CDK13: variants seen among roughly 807,000 people sequenced by gnomAD.
The protein encoded by CDK13 is cyclin dependent kinase 13.
In CDK13, 40 loss-of-function variants were observed where a neutral mutation model predicts 137.6. That is an observed-to-expected ratio of 0.29 (90% confidence interval 0.23 to 0.38). CDK13 has a LOEUF of 0.38. Ranked by LOEUF, CDK13 falls within the 10% of genes least tolerant of loss-of-function variation. CDK13 has a pLI of 1.00. For missense variants in CDK13, 1,704 were observed against 1,951.8 expected (o/e 0.87, Z 2.39); for synonymous variants, 869 against 760.1 (o/e 1.14, Z -2.36).
At chr7:40,014,988 A>T (rs1784974532) in intron 5 of CDK13, among the ~76,000 whole-genome samples, 1 of 152,152 alleles carries the variant, frequency 6.6e-6, no homozygotes, top group African/African-American at 2.4e-5. Flanking sequence ...TGAGAAGAAA[A>T]ATATGTATAA....
intron 5 of CDK13, among the ~76,000 whole-genome samples, chr7:40,009,396 T>C (rs892984573): frequency 1.3e-5 from 2 of 152,236 alleles, no homozygotes; most frequent in Non-Finnish European, 2.9e-5. Context: ...ACTATTCATA[T>C]GCCTTTAGTT....
chr7:40,019,195 T>G (rs935417451), intron 5 of CDK13, among the ~76,000 whole-genome samples: 1 of 152,206 alleles, frequency 6.6e-6, no homozygotes, highest in African/African-American at 2.4e-5. Flanking sequence ...TTTACTGTCT[T>G]AATAGTAGCC....
intron 12 of CDK13, among the ~76,000 whole-genome samples, chr7:40,088,736 G>A (rs148378185): frequency 3.9e-5 from 6 of 152,136 alleles, no homozygotes; most frequent in East Asian, 1.9e-4. Flanking sequence ...CATTTATAGC[G>A]TCCTCATGTC....
chr7:39,978,171 T>G (rs1450222628), intron 1 of CDK13, among the ~76,000 whole-genome samples: 1 of 151,988 alleles, frequency 6.6e-6, no homozygotes, highest in African/African-American at 2.4e-5. Flanking sequence ...TAAATTAAAC[T>G]TGTGGGAGAA....
In CDK13 at chr7:39,951,758, C is replaced by T. The variant is rs1165078353; in HGVS notation, c.1117C>T (p.His373Tyr). Reference protein sequence around the residue: ...SRRRSPSYSRHSSYERGGDVS... With the variant: ...SRRRSPSYSRYSSYERGGDVS... ...CCGCCGCTCCCCCAGCTACAGCCGCCACAGCTCCTACGAGCGGGGCGGCGA... is the reference window on the plus strand; with the variant it reads ...CCGCCGCTCCCCCAGCTACAGCCGCTACAGCTCCTACGAGCGGGGCGGCGA... Residue 373 changes from histidine (H) to tyrosine (Y), a missense_variant, in exon 1 of 14, where the codon CAC becomes TAC. This residue lies in a region of CDK13 where 1,051 missense variants were observed against 931.0 expected (regional missense o/e 1.13). Coordinates refer to ENST00000181839, the MANE Select transcript of CDK13 (RefSeq NM_003718.5). 1 of 1,492,878 alleles carries T rather than the reference C, an allele frequency of 6.7e-7. No homozygotes were observed. The highest frequency in any genetic ancestry group is 8.8e-7 in the Non-Finnish European group (1 of 1,134,082). 92.5% of individuals were successfully genotyped at this position (1,492,878 alleles called of 1,614,324 possible).
At chr7:40,065,998 A>C (rs1786271571) in intron 9 of CDK13, among the ~76,000 whole-genome samples, 1 of 152,172 alleles carries the variant, frequency 6.6e-6, no homozygotes, top group Non-Finnish European at 1.5e-5. Context: ...CAGCCTGAGC[A>C]ATATAGTGAG....
intron 9 of CDK13, among the ~76,000 whole-genome samples, chr7:40,076,517 A>G (rs977561352): frequency 6.6e-6 from 1 of 152,072 alleles, no homozygotes; most frequent in Non-Finnish European, 1.5e-5. Context: ...TAGAGAGCCC[A>G]TGCTACAGGA....
intron 5 of CDK13, among the ~76,000 whole-genome samples, chr7:40,025,335 A>G (rs1458582124): frequency 6.6e-6 from 1 of 152,240 alleles, no homozygotes; most frequent in Non-Finnish European, 1.5e-5. Context: ...CTTGTAATCA[A>G]TAAACTTCTG....
At chr7:39,977,318 G>A (rs558575568) in intron 1 of CDK13, among the ~76,000 whole-genome samples, 1 of 152,172 alleles carries the variant, frequency 6.6e-6, no homozygotes, top group Non-Finnish European at 1.5e-5. Flanking sequence ...CTTTTCAATA[G>A]GAATACTATC....
chr7:39,950,525 C>A lies in CDK13; in HGVS notation c.-117C>A, dbSNP rs924722563. ...GGATTATCGTGGCGCTTTTCCCGGC[C>A]GGCTCTGGTGCTCGGTGTCCCTCCG... On this transcript the variant is annotated 5_prime_UTR_variant, in exon 1 of 14. Transcript: ENST00000181839. 1.6e-6 allele frequency: 2 copies of A among 1,266,592 alleles called. No homozygotes were observed. The highest frequency in any genetic ancestry group is 1.5e-5 in the African/African-American group (1 of 64,522). The allele number at this position is 1,266,592 out of a possible 1,614,324, so 78.5% of individuals were successfully genotyped here. A position where few individuals can be genotyped will look rare whatever the true frequency, so the allele number is the denominator to read the frequency against.
chr7:40,015,874 C>T (rs961798876), intron 5 of CDK13, among the ~76,000 whole-genome samples: 1 of 151,992 alleles, frequency 6.6e-6, no homozygotes, highest in Non-Finnish European at 1.5e-5. Flanking sequence ...TCATTGGTTG[C>T]GATCAAACCC....
At chr7:40,000,837 A>G (rs550558828) in intron 4 of CDK13, among the ~76,000 whole-genome samples, 15 of 152,162 alleles carry the variant, frequency 9.9e-5, no homozygotes, top group Non-Finnish European at 1.8e-4. Flanking sequence ...TTCTCCAAGG[A>G]AGTGGAATGA....
intron 12 of CDK13, chr7:40,092,565 C>T: frequency 4.0e-6 from 2 of 503,796 alleles, no homozygotes; most frequent in African/African-American, 1.9e-5. Context: ...AGTATTTACC[C>T]CTAAAGATTT....
chr7:40,071,121 G>A (rs731848), intron 9 of CDK13: 77,095 of 151,882 alleles, frequency 0.51, 20,560 homozygotes, highest in African/African-American at 0.68. Context: ...CATATTGAAA[G>A]AAATGAATCA....
At chr7:39,993,329 A>G (rs1784502395) in intron 2 of CDK13, among the ~76,000 whole-genome samples, 1 of 152,192 alleles carries the variant, frequency 6.6e-6, no homozygotes, top group Non-Finnish European at 1.5e-5. Flanking sequence ...ACAAATAGTA[A>G]TAGCCACTAC....
chr7:40,054,465 T>A (rs951359314), intron 7 of CDK13, among the ~76,000 whole-genome samples: 1 of 152,118 alleles, frequency 6.6e-6, no homozygotes, highest in Non-Finnish European at 1.5e-5. Context: ...AGTTTCGCTC[T>A]TGTCTCCCAA....
chr7:39,976,288 G>GTCTCTCTCCTCTCTCTCTC (rs1784103283), intron 1 of CDK13, among the ~76,000 whole-genome samples: 3 of 29,872 alleles, frequency 1.0e-4, no homozygotes, highest in African/African-American at 2.3e-4. Context: ...GCGAGATTCC[G>GTCTCTCTCCTCTCTCTCTC]TCTCTCTCTC....
intron 1 of CDK13, chr7:39,985,511 T>C (rs1013680732): frequency 7.2e-5 from 11 of 152,110 alleles, no homozygotes; most frequent in Non-Finnish European, 8.8e-5. Context: ...TGCCGAATTA[T>C]AAGATAGCTC....
At chr7:39,983,519 G>A (rs763116025) in intron 1 of CDK13, among the ~76,000 whole-genome samples, 2 of 152,206 alleles carry the variant, frequency 1.3e-5, no homozygotes, top group Admixed American at 1.3e-4. Flanking sequence ...AATGAATTGT[G>A]TTGGGATTTT....
Sources: gnomAD v4.1 joint callset for allele counts (sites outside exome capture counted in the v4.1 genomes callset) on GRCh38, gnomAD v4.1.1 for gene constraint, gnomAD v4.1.1 regional missense constraint, MANE v1.5 for transcripts, NCBI Gene and HGNC (gene_info 2026-07-23, HGNC 2026-07-21) for gene names.